The following RAB17 variants were observed in gnomAD, a reference collection of about 807,000 sequenced individuals.
RAB17 encodes ras-related protein Rab-17.
Under a neutral mutation model 19.3 loss-of-function variants are expected in RAB17, and 15 were observed. That is an observed-to-expected ratio of 0.78 (90% CI 0.52 to 1.20). The LOEUF is 1.20. Ranked by LOEUF, RAB17 falls within the 50% of genes most tolerant of loss-of-function variation. The pLI, the probability that RAB17 is intolerant of heterozygous loss-of-function variation, is 0.00. For missense variants in RAB17, 262 were observed against 269.3 expected (o/e 0.97, Z 0.19); for synonymous variants, 110 against 112.8 (o/e 0.97, Z 0.16).
chr2:237,586,223 AC>A (rs2081349795), intron 1 of RAB17, 66 bp from the exon 2 acceptor site: 2 of 1,463,858 alleles, frequency 1.4e-6, no homozygotes, highest in South Asian at 2.9e-5. Context: ...AGCAAGCTCA[AC>A]CCCGGGGCTG....
At position 237,586,014 on chromosome 2, in the gene RAB17, G is replaced by T; in HGVS notation, c.141C>A (p.Ile47=). Residue 47 remains isoleucine, a synonymous_variant, in exon 2 of 6, where the codon ATC becomes ATA. Transcript: ENST00000264601. Reference sequence around the variant, plus strand: ...CTCACTTACAGCCCACCGTAGGCAGGATACTCTTGAAGTCGTTCTTCACGT... The same window carrying T: ...CTCACTTACAGCCCACCGTAGGCAGTATACTCTTGAAGTCGTTCTTCACGT... ...LRYVKNDFKS[I]LPTVGCAFFT... The T allele has an allele frequency of 6.2e-7, 1 of 1,610,406 alleles. No homozygotes were observed. The highest frequency in any genetic ancestry group is 1.3e-5 in the African/African-American group (1 of 74,830).
chr2:237,578,940 C>CT (rs2081288001), intron 2 of RAB17: 1 of 148,250 alleles, frequency 6.7e-6, no homozygotes, highest in African/African-American at 2.6e-5. Context: ...CACACACACA[C>CT]AACTACTCCC....
At chr2:237,581,599 A>G (rs1438694455) in intron 2 of RAB17, among the ~76,000 whole-genome samples, 1 of 152,008 alleles carries the variant, frequency 6.6e-6, no homozygotes, top group African/African-American at 2.4e-5. Context: ...TGCTTTTTTT[A>G]CCTTTTAATT....
chr2:237,584,229 G>C (rs745792040), intron 2 of RAB17, among the ~76,000 whole-genome samples: 22 of 152,000 alleles, frequency 1.4e-4, no homozygotes, highest in Non-Finnish European at 2.8e-4. Flanking sequence ...TGTGGGTACA[G>C]CTCTCTGTGG....
At chr2:237,577,539 G>A (rs1317371224) in intron 3 of RAB17, 157 bp from the exon 4 acceptor site, 3 of 808,078 alleles carry the variant, frequency 3.7e-6, no homozygotes, top group Non-Finnish European at 5.7e-6. Context: ...GTTCCTCTGA[G>A]GAGGGCACGT....
Position 237,585,978 on chromosome 2 carries a change from G to C in RAB17, c.157+20C>G, listed in dbSNP as rs2081346673. The C allele has an allele frequency of 6.3e-7, 1 of 1,576,804 alleles. No individual in the cohort carries two copies. Among genetic ancestry groups the C allele is most frequent in the Admixed American group, 1.8e-5 (1 of 55,824 alleles). On this transcript the variant is annotated intron_variant, in intron 2 of 5. Coordinates refer to ENST00000264601, the MANE Select transcript of RAB17 (RefSeq NM_022449.4). ...CTTCTGCACTGAAGACCAACAAAGGGGTGCTCTGCCCTCACTTACAGCCCA... is the reference window on the plus strand; with the variant it reads ...CTTCTGCACTGAAGACCAACAAAGGCGTGCTCTGCCCTCACTTACAGCCCA...
At chr2:237,585,301 G>A (rs963873528) in intron 2 of RAB17, 1 of 167,692 alleles carries the variant, frequency 6.0e-6, no homozygotes, top group Non-Finnish European at 1.5e-5. Flanking sequence ...CCCCCAGGGG[G>A]AATGGGCATA....
intron 2 of RAB17, among the ~76,000 whole-genome samples, chr2:237,581,122 C>T (rs1209563524): frequency 6.6e-6 from 1 of 152,212 alleles, no homozygotes; most frequent in Non-Finnish European, 1.5e-5. Context: ...GGTACAGTGG[C>T]TCATGCCTGT....
At chr2:237,585,923 T>C in intron 2 of RAB17, 75 bp downstream of exon 2, 1 of 1,456,384 alleles carries the variant, frequency 6.9e-7, no homozygotes, top group Middle Eastern at 1.8e-4. Flanking sequence ...CTCGTCCCCA[T>C]CTGCCCCAGG....
At position 237,583,877 on chromosome 2, in the gene RAB17, G is replaced by A. The variant is rs751199702; in HGVS notation, c.157+2121C>T. On this transcript the variant is annotated intron_variant, in intron 2 of 5. Transcript: ENST00000264601. ...CTGCCGGCAGGGGGATGGCCCCTGC[G>A]GGGCCAGACAGAGGACCAGGAGTAG... is the stretch of plus-strand genomic sequence containing the variant. Among the ~76,000 whole-genome samples, 260 of 152,182 alleles carry A rather than the reference G, an allele frequency of 1.7e-3. 1 individual carries two copies. The highest frequency in any genetic ancestry group is 1.1e-3 in the Non-Finnish European group (75 of 67,990).
In RAB17 at chr2:237,586,103, G is replaced by T. The variant is rs368159686; in HGVS notation, c.52C>A (p.Arg18Ser). 19 of 1,612,592 alleles carry T rather than the reference G, an allele frequency of 1.2e-5. No homozygotes were observed. In the African/African-American group the frequency reaches 1.5e-4, roughly 12 times the overall value. Reference sequence around the variant, plus strand: ...CCCAGGAGAACCAGCTTGAACACACGGGGCTGGCTGGGGGCAGCCCTGGGC... The same window carrying T: ...CCCAGGAGAACCAGCTTGAACACACTGGGCTGGCTGGGGGCAGCCCTGGGC... ...PQPRAAPSQP[R>S]VFKLVLLGSG... Residue 18 changes from arginine (R) to serine (S), a missense_variant, in exon 2 of 6, where the codon CGT (arginine) becomes AGT (serine). Arg to Ser is a moderately radical substitution (Grantham distance 110). Transcript: ENST00000264601.
chr2:237,575,563 C>T (rs1444229714), intron 4 of RAB17, 83 bp from the exon 5 acceptor site: 13 of 1,068,438 alleles, frequency 1.2e-5, no homozygotes, highest in Admixed American at 8.3e-5. Context: ...CAGTAAGATC[C>T]GAGAAAGCTG....
chr2:237,581,208 C>T (rs2081305895), intron 2 of RAB17, among the ~76,000 whole-genome samples: 1 of 152,012 alleles, frequency 6.6e-6, no homozygotes, highest in African/African-American at 2.4e-5. Context: ...AACCTTGTCT[C>T]TACAAAAAAC....
At position 237,577,307 on chromosome 2, in the gene RAB17, G is replaced by T; in HGVS notation, c.385C>A (p.Leu129Met). The T allele has an allele frequency of 1.2e-6, 2 of 1,613,942 alleles. No homozygotes were observed. The highest frequency in any genetic ancestry group is 1.7e-6 in the Non-Finnish European group (2 of 1,179,934). Residue 129 changes from leucine to methionine, a missense_variant, in exon 4 of 6, where the codon CTG becomes ATG. Transcript: ENST00000264601. Reference sequence around the variant, plus strand: ...CTGAGGTCCGTCTTGTTGCCCACCAGCATCACCAGGACTTCTCCTGGGTGC... The same window carrying T: ...CTGAGGTCCGTCTTGTTGCCCACCATCATCACCAGGACTTCTCCTGGGTGC... Reference protein sequence around the residue: ...ELHPGEVLVMLVGNKTDLSQE... With the variant: ...ELHPGEVLVMMVGNKTDLSQE...
Position 237,575,014 on chromosome 2 carries a change from T to C in RAB17, c.*5A>G, listed in dbSNP as rs776052242. On this transcript the variant is annotated 3_prime_UTR_variant, in exon 6 of 6. Coordinates refer to ENST00000264601, the MANE Select transcript of RAB17 (RefSeq NM_022449.4). ...CTTCCCCACAGCCCCCAGGAGTGGC[T>C]GCACCTAGTGGGCGCAGCATTTGGC... 7.5e-6 allele frequency: 12 copies of C among 1,604,728 alleles called. No individual in the cohort carries two copies. The East Asian group carries it at 2.7e-4, about 36-fold the overall frequency.
Position 237,582,521 on chromosome 2 carries a change from C to T in RAB17, c.157+3477G>A, listed in dbSNP as rs891982623. Among the ~76,000 whole-genome samples the T allele has an allele frequency of 1.1e-3, 170 of 152,306 alleles. 1 individual carries two copies. Among genetic ancestry groups the T allele is most frequent in the Non-Finnish European group, 2.2e-4 (15 of 68,026 alleles). On this transcript the variant is annotated intron_variant, in intron 2 of 5. Coordinates refer to ENST00000264601, the MANE Select transcript of RAB17 (RefSeq NM_022449.4). Reference sequence around the variant, plus strand: ...GTGGCCATCCATCCTGTCCCTCCCTCGGGGATCCTGCAGCCAAGCACTGGG... The same window carrying T: ...GTGGCCATCCATCCTGTCCCTCCCTTGGGGATCCTGCAGCCAAGCACTGGG...
At chr2:237,582,474 G>A (rs757936625) in intron 2 of RAB17, among the ~76,000 whole-genome samples, 42 of 152,216 alleles carry the variant, frequency 2.8e-4, no homozygotes, top group Non-Finnish European at 5.1e-4. Flanking sequence ...AAATCCAGAC[G>A]GAGGGAAGGA....
intron 4 of RAB17, chr2:237,576,727 G>C (rs1358707421): frequency 6.4e-6 from 3 of 471,098 alleles, no homozygotes; most frequent in Non-Finnish European, 1.3e-5. Context: ...CCGTGGAAGA[G>C]AAACAACAGC....
Position 237,574,832 on chromosome 2 carries a change from T to A in RAB17, c.*187A>T, listed in dbSNP as rs2280288. ...GCACAGCACTTTCCTGGGAGCCATG[T>A]GACGCCAGATCTTCCTCTGGCAGTT... is the stretch of plus-strand genomic sequence containing the variant. On this transcript the variant is annotated 3_prime_UTR_variant, in exon 6 of 6. Coordinates refer to ENST00000264601, the MANE Select transcript of RAB17 (RefSeq NM_022449.4). 2,847 of 828,766 alleles carry A rather than the reference T, an allele frequency of 3.4e-3. 64 individuals are homozygous for A. In the African/African-American group the frequency reaches 0.043, roughly 12 times the overall value. 51.3% of individuals were successfully genotyped at this position (828,766 alleles called of 1,614,324 possible).
Sources: allele counts gnomAD v4.1 joint callset (sites outside exome capture counted in the v4.1 genomes callset), GRCh38; gene constraint gnomAD v4.1.1; transcripts MANE v1.5; gene names NCBI Gene and HGNC (gene_info 2026-07-23, HGNC 2026-07-21).